TMEM245: variants seen among roughly 807,000 people sequenced by gnomAD.
The protein encoded by TMEM245 is protein CG-2.
Under a neutral mutation model 101.2 loss-of-function variants are expected in TMEM245, and 69 were observed. That is an observed-to-expected ratio of 0.68 (90% confidence interval 0.56 to 0.83). The LOEUF (loss-of-function observed/expected upper bound fraction) is 0.83. Among genes scored for constraint, TMEM245 ranks in the 40% least tolerant of loss-of-function variants. The pLI, the probability that TMEM245 is intolerant of heterozygous loss-of-function variation, is 0.00. For synonymous variants in TMEM245, 537 were observed against 449.8 expected (o/e 1.19, Z -2.45); for missense variants, 1,075 against 1,092.8 (o/e 0.98, Z 0.23).
At chr9:109,090,553 T>G (rs879881905) in intron 5 of TMEM245, among the ~76,000 whole-genome samples, 1 of 151,548 alleles carries the variant, frequency 6.6e-6, no homozygotes, top group African/African-American at 2.4e-5. Context: ...AAACGCTGTC[T>G]CTACTAAAAA....
intron 7 of TMEM245, 42 bp downstream of exon 7, chr9:109,085,955 C>T (rs201819857): frequency 1.7e-5 from 27 of 1,605,214 alleles, no homozygotes; most frequent in East Asian, 6.7e-5. Flanking sequence ...AGGGGCATTA[C>T]GGAATTCAAT....
At chr9:109,041,195 C>T (rs1300207126) in intron 14 of TMEM245, among the ~76,000 whole-genome samples, 1 of 152,088 alleles carries the variant, frequency 6.6e-6, no homozygotes, top group Non-Finnish European at 1.5e-5. Context: ...TCTGAAGCAC[C>T]TAGTAACTGA....
chr9:109,088,157 C>A lies in TMEM245; in HGVS notation c.1151-815G>T, dbSNP rs149038321. ...GTATCTCAATCAGTACATAATTTCC[C>A]TAACTCTAGAGATTTGTGTTCTTAG... On this transcript the variant is annotated intron_variant, in intron 5 of 17. Transcript: ENST00000374586. Among the ~76,000 whole-genome samples, 1,093 of 152,316 alleles carry A rather than the reference C, an allele frequency of 7.2e-3. 13 individuals carry two copies. The highest frequency in any genetic ancestry group is 0.025 in the African/African-American group (1,040 of 41,556).
At position 109,119,603 on chromosome 9, in the gene TMEM245, A is replaced by C; in HGVS notation, c.311T>G (p.Leu104Arg). Reference sequence around the variant, plus strand: ...CAGGCGCTGCAGCCAGTGGCGGCCCAGGCGCGTCAGCGAGCTCTTGAAGGG... The same window carrying C: ...CAGGCGCTGCAGCCAGTGGCGGCCCCGGCGCGTCAGCGAGCTCTTGAAGGG... ...LHPFKSSLTR[L>R]GRHWLQRLHR... The change falls in exon 1 of 18, where the codon CTG becomes CGG. Residue 104 changes from leucine to arginine, a missense_variant. Leu to Arg is a moderately radical substitution (Grantham distance 102). Coordinates refer to ENST00000374586, the MANE Select transcript of TMEM245 (RefSeq NM_032012.4). 1 of 1,555,610 alleles carries C rather than the reference A, an allele frequency of 6.4e-7. No homozygotes were observed. Among genetic ancestry groups the C allele is most frequent in the South Asian group, 1.2e-5 (1 of 84,596 alleles).
At chr9:109,104,084 C>T (rs1476175393) in intron 3 of TMEM245, among the ~76,000 whole-genome samples, 1 of 150,540 alleles carries the variant, frequency 6.6e-6, no homozygotes, top group African/African-American at 2.4e-5. Flanking sequence ...GACTCCATCT[C>T]AAAAACAGAA....
chr9:109,047,123 T>TA (rs1828521683), intron 14 of TMEM245, among the ~76,000 whole-genome samples: 1 of 152,230 alleles, frequency 6.6e-6, no homozygotes, highest in Admixed American at 6.5e-5. Context: ...ATCAGACTCA[T>TA]AAAAATCTAT....
intron 17 of TMEM245, among the ~76,000 whole-genome samples, chr9:109,032,564 T>G (rs527374966): frequency 2.7e-5 from 4 of 150,260 alleles, no homozygotes; most frequent in East Asian, 2.0e-4. Flanking sequence ...TTTGGGGTAT[T>G]TTTAGTAGAG....
At chr9:109,041,871 C>G (rs1203880322) in intron 14 of TMEM245, among the ~76,000 whole-genome samples, 1 of 151,952 alleles carries the variant, frequency 6.6e-6, no homozygotes, top group Non-Finnish European at 1.5e-5. Flanking sequence ...TAGTTCACAC[C>G]TGTAATCCTA....
At chr9:109,077,275 C>G (rs972026637) in intron 8 of TMEM245, among the ~76,000 whole-genome samples, 7 of 151,920 alleles carry the variant, frequency 4.6e-5, no homozygotes, top group Admixed American at 1.3e-4. Flanking sequence ...CTCAGCCTCT[C>G]AAGTAGCTGG....
intron 14 of TMEM245, among the ~76,000 whole-genome samples, chr9:109,048,763 C>T (rs967934502): frequency 7.2e-5 from 11 of 152,286 alleles, no homozygotes; most frequent in South Asian, 2.1e-4. Context: ...CAAGAGCCAA[C>T]GACCTGGAAA....
Position 109,050,636 on chromosome 9 carries a change from A to G in TMEM245, c.1911T>C (p.Thr637=), listed in dbSNP as rs772134195. The change falls in exon 13 of 18, where the codon ACT becomes ACC. Residue 637 remains threonine, a synonymous_variant. Coordinates refer to ENST00000374586, the MANE Select transcript of TMEM245 (RefSeq NM_032012.4). ...AGAGGATGGTCAAGAGTGTAGTGAC[A>G]GTGGTGAACAGCAGGCTCACATTCC... is the stretch of plus-strand genomic sequence containing the variant. ...MSRNVSLLFT[T]VTTLLTILFY... 2 of 1,613,618 alleles carry G rather than the reference A, an allele frequency of 1.2e-6. No homozygotes were observed. Among genetic ancestry groups the G allele is most frequent in the Non-Finnish European group, 1.7e-6 (2 of 1,179,934 alleles).
At chr9:109,090,712 G>A (rs566039149) in intron 5 of TMEM245, among the ~76,000 whole-genome samples, 9 of 131,076 alleles carry the variant, frequency 6.9e-5, no homozygotes, top group Middle Eastern at 3.9e-3. Context: ...GCAAGACTCC[G>A]TCTCAAAAAA....
chr9:109,090,949 C>T lies in TMEM245; in HGVS notation c.1123G>A (p.Val375Met). Reference protein sequence around the residue: ...VMQIWLNLWIVQLLPVPIAVW... With the variant: ...VMQIWLNLWIMQLLPVPIAVW... ...GCAATCGGCACTGGCAGCAACTGCA[C>T]AATCCACAGGTTCAACCAGATCTGC... The change falls in exon 5 of 18, where the codon GTG becomes ATG. Residue 375 changes from valine to methionine, a missense_variant. By Grantham distance (21) the Val-to-Met change is conservative. Around this residue, in one of 2 missense-constraint regions of TMEM245, gnomAD observed 808 missense variants for 741.5 expected, o/e 1.09. Transcript: ENST00000374586. The T allele has an allele frequency of 6.2e-7, 1 of 1,614,174 alleles. No homozygotes were observed. Among genetic ancestry groups the T allele is most frequent in the Non-Finnish European group, 8.5e-7 (1 of 1,180,044 alleles).
intron 11 of TMEM245, among the ~76,000 whole-genome samples, chr9:109,059,263 C>T (rs931098845): frequency 1.3e-5 from 2 of 152,156 alleles, no homozygotes; most frequent in African/African-American, 2.4e-5. Context: ...CTTCCTTCAA[C>T]TCATCCCAAA....
intron 1 of TMEM245, among the ~76,000 whole-genome samples, chr9:109,109,715 G>T (rs1305858109): frequency 1.3e-5 from 2 of 152,004 alleles, no homozygotes; most frequent in Non-Finnish European, 2.9e-5. Context: ...TCAGAACAGT[G>T]AAAAAAGTGA....
At position 109,073,420 on chromosome 9, in the gene TMEM245, G is replaced by A; in HGVS notation, c.1468C>T (p.His490Tyr). 1 of 1,611,308 alleles carries A rather than the reference G, an allele frequency of 6.2e-7. No individual in the cohort carries two copies. The highest frequency in any genetic ancestry group is 8.5e-7 in the Non-Finnish European group (1 of 1,178,608). The change falls in exon 9 of 18, where the codon CAC (histidine) becomes TAC (tyrosine). Residue 490 changes from histidine to tyrosine, a missense_variant. His to Tyr is a moderately conservative substitution (Grantham distance 83). This residue lies in a region of TMEM245 where 808 missense variants were observed against 741.5 expected (regional missense o/e 1.09). Transcript: ENST00000374586. ...AAATTACTTGTGACTTCAATCATGT[G>A]TACACTCTCTTGATGTACCTGTATT... ...LTAKVHQESV[H>Y]MIEVTSNLIN... is the part of the protein sequence containing the mutation.
At chr9:109,093,646 A>C (rs960087115) in intron 3 of TMEM245, 55 bp from the exon 4 acceptor site, 6 of 1,371,762 alleles carry the variant, frequency 4.4e-6, no homozygotes, top group Middle Eastern at 1.8e-4. Context: ...TAATGGCTGC[A>C]AATTTAAACA....
At position 109,074,269 on chromosome 9, in the gene TMEM245, T is replaced by C. The variant is rs145769086; in HGVS notation, c.1450-831A>G. ...GGGAGATAAAATGGGAATTAATCAG[T>C]TGAAAAAAAATTTTTTCACCCAGGA... On this transcript the variant is annotated intron_variant, in intron 8 of 17. Coordinates refer to ENST00000374586, the MANE Select transcript of TMEM245 (RefSeq NM_032012.4). 5.5e-4 allele frequency among the ~76,000 whole-genome samples: 83 copies of C among 152,184 alleles called. No homozygotes were observed. The East Asian group carries it at 0.014, about 27-fold the overall frequency.
Position 109,117,307 on chromosome 9 carries a change from G to A in TMEM245, c.579+2028C>T, listed in dbSNP as rs558060718. ...TTTTTTTTGTATTTTTGGTAGAGAC[G>A]GGGTTTCACCATGTTGGCCAGGCTG... On this transcript the variant is annotated intron_variant, in intron 1 of 17. Transcript: ENST00000374586. Among the ~76,000 whole-genome samples the A allele has an allele frequency of 1.3e-4, 20 of 151,310 alleles. No individual in the cohort carries two copies. In the South Asian group the frequency reaches 3.8e-3, roughly 28 times the overall value.
Sources: allele counts gnomAD v4.1 joint callset (sites outside exome capture counted in the v4.1 genomes callset), GRCh38; gene constraint gnomAD v4.1.1; regional missense constraint gnomAD v4.1.1; transcripts MANE v1.5; gene names NCBI Gene and HGNC (gene_info 2026-07-23, HGNC 2026-07-21).